Variants in FOXN3 observed in about 807,000 individuals in gnomAD.
FOXN3 encodes the protein forkhead box N3, also known as forkhead box protein N3.
A neutral mutation model predicts 38.4 loss-of-function variants in FOXN3; 7 were observed. The observed-to-expected ratio is 0.18, with a 90% confidence interval of 0.10 to 0.34. The LOEUF (loss-of-function observed/expected upper bound fraction) is 0.34. Ranked by LOEUF, FOXN3 falls within the 10% of genes least tolerant of loss-of-function variation. FOXN3 has a pLI of 1.00. For synonymous variants in FOXN3, 230 were observed against 242.2 expected (o/e 0.95, Z 0.47); for missense variants, 456 against 613.4 (o/e 0.74, Z 2.71).
At chr14:89,291,239 T>G in intron 3 of FOXN3, 1 of 430,796 alleles carries the variant, frequency 2.3e-6, no homozygotes. Context: ...TGTTACTCCC[T>G]CGGTTTCTCT....
At chr14:89,400,494 A>C (rs1007223174) in intron 2 of FOXN3, among the ~76,000 whole-genome samples, 1 of 152,124 alleles carries the variant, frequency 6.6e-6, no homozygotes, top group African/African-American at 2.4e-5. Context: ...GTTGGCACTA[A>C]CGCCCATCCA....
At chr14:89,523,159 GAACAT>G (rs1339493221) in intron 1 of FOXN3, among the ~76,000 whole-genome samples, 1 of 152,040 alleles carries the variant, frequency 6.6e-6, no homozygotes, top group Non-Finnish European at 1.5e-5. Flanking sequence ...TTAATCAAAA[GAACAT>G]AACAACCCTA....
intron 4 of FOXN3, among the ~76,000 whole-genome samples, chr14:89,278,949 T>C (rs896848564): frequency 4.6e-5 from 7 of 152,156 alleles, no homozygotes; most frequent in African/African-American, 1.2e-4. Flanking sequence ...AAAATCTTGC[T>C]TGTGGGCCTT....
At chr14:89,501,053 C>T (rs1054075919) in intron 1 of FOXN3, among the ~76,000 whole-genome samples, 7 of 152,236 alleles carry the variant, frequency 4.6e-5, no homozygotes, top group African/African-American at 1.4e-4. Context: ...TTAATGCGCC[C>T]TCCACGGGAT....
At chr14:89,506,830 A>G (rs1036302068) in intron 1 of FOXN3, among the ~76,000 whole-genome samples, 1 of 152,200 alleles carries the variant, frequency 6.6e-6, no homozygotes, top group Non-Finnish European at 1.5e-5. Context: ...CCTTACCCAC[A>G]ACCCTGTGCT....
At chr14:89,596,467 A>G (rs1359982427) in intron 1 of FOXN3, among the ~76,000 whole-genome samples, 1 of 152,120 alleles carries the variant, frequency 6.6e-6, no homozygotes. Context: ...TATATTCATG[A>G]GTGAAACTGG....
intron 1 of FOXN3, among the ~76,000 whole-genome samples, chr14:89,521,404 TA>T (rs1894316751): frequency 1.3e-5 from 2 of 149,654 alleles, no homozygotes; most frequent in African/African-American, 5.0e-5. Flanking sequence ...ATAAAAAGAA[TA>T]GAAGAGAATC....
rs1288931161 is a variant in FOXN3 at position 89,160,504 on chromosome 14, G to A, written c.*1910C>T. The A allele has an allele frequency of 6.6e-6, 1 of 152,442 alleles. No homozygotes were observed. The highest frequency in any genetic ancestry group is 1.9e-4 in the East Asian group (1 of 5,188). 9.4% of individuals were successfully genotyped at this position (152,442 alleles called of 1,614,324 possible). A position where few individuals can be genotyped will look rare whatever the true frequency, so the allele number is the denominator to read the frequency against. Reference sequence around the variant, plus strand: ...TCACCCAATAAGGCCCATTAGCACGGTTCCCCTTCTTCTGGCTAATTTGCA... The same window carrying A: ...TCACCCAATAAGGCCCATTAGCACGATTCCCCTTCTTCTGGCTAATTTGCA... On this transcript the variant is annotated 3_prime_UTR_variant, in exon 6 of 6. Transcript: ENST00000557258.
chr14:89,358,436 C>T (rs1263954295), intron 2 of FOXN3, among the ~76,000 whole-genome samples: 1 of 152,156 alleles, frequency 6.6e-6, no homozygotes, highest in Non-Finnish European at 1.5e-5. Flanking sequence ...GGAAGACCCC[C>T]ATTGGGGGAT....
In FOXN3 at chr14:89,458,008, C is replaced by G. The variant is rs564149327; in HGVS notation, c.-14-45518G>C. Among the ~76,000 whole-genome samples the G allele has an allele frequency of 1.5e-4, 18 of 121,648 alleles. No individual in the cohort carries two copies. In the Admixed American group the frequency reaches 1.6e-3, roughly 11 times the overall value. The allele number at this position is 121,648 out of a possible 152,430, so 79.8% of individuals were successfully genotyped here. On this transcript the variant is annotated intron_variant, in intron 1 of 6. Coordinates refer to the FOXN3 transcript ENST00000345097. ...TTGCGCCATCGCACTCCAGCCTGAG[C>G]GATAAGAGCGAAACTCCATCTCAAA...
chr14:89,174,509 C>T (rs1887469447), intron 5 of FOXN3, among the ~76,000 whole-genome samples: 1 of 152,162 alleles, frequency 6.6e-6, no homozygotes. Flanking sequence ...CTACAACTCT[C>T]CTCCATGAAT....
At chr14:89,189,178 C>T (rs564701920) in intron 4 of FOXN3, among the ~76,000 whole-genome samples, 1 of 152,212 alleles carries the variant, frequency 6.6e-6, no homozygotes, top group South Asian at 2.1e-4. Flanking sequence ...CTAAAGTTGT[C>T]AGGAAGGCTG....
chr14:89,410,886 G>A (rs7143792), intron 2 of FOXN3, among the ~76,000 whole-genome samples: 56,550 of 145,864 alleles, frequency 0.39, 12,920 homozygotes, highest in African/African-American at 0.64. Context: ...AAAAAAAGAG[G>A]AAAAAAAAGA....
chr14:89,193,739 G>A (rs1355246466), intron 4 of FOXN3, among the ~76,000 whole-genome samples: 1 of 152,240 alleles, frequency 6.6e-6, no homozygotes, highest in South Asian at 2.1e-4. Flanking sequence ...ATTTCTCTTG[G>A]AAAATTGCTG....
Position 89,441,087 on chromosome 14 carries a change from C to T in FOXN3, c.-14-28597G>A, listed in dbSNP as rs562540217. ...TATGAGAAAGTGGCCGAGGCTCCGG[C>T]TTCCCTTCCTCCCCAACCCTGCCCT... On this transcript the variant is annotated intron_variant, in intron 1 of 6. Coordinates refer to the FOXN3 transcript ENST00000345097. 2.9e-4 allele frequency among the ~76,000 whole-genome samples: 44 copies of T among 152,270 alleles called. 1 individual carries two copies. The South Asian group carries it at 7.0e-3, about 24-fold the overall frequency.
intron 4 of FOXN3, among the ~76,000 whole-genome samples, chr14:89,261,884 T>A (rs1885816581): frequency 6.6e-6 from 1 of 152,032 alleles, no homozygotes; most frequent in South Asian, 2.1e-4. Flanking sequence ...GCCAAGATCA[T>A]GTCAACTGCA....
At position 89,343,088 on chromosome 14, in the gene FOXN3, A is replaced by G. The variant is rs529364439; in HGVS notation, c.680+7584T>C. 9.2e-5 allele frequency among the ~76,000 whole-genome samples: 14 copies of G among 152,332 alleles called. No individual in the cohort carries two copies. The South Asian group carries it at 2.3e-3, about 25-fold the overall frequency. On this transcript the variant is annotated intron_variant, in intron 3 of 5. Transcript: ENST00000557258. ...TTGTGGCTTTGCAGTGCTTCTGCCA[A>G]CTATTAAACGCACAACACTCTGAAT... is the stretch of plus-strand genomic sequence containing the variant.
chr14:89,410,062 C>A (rs1451277567), intron 2 of FOXN3, among the ~76,000 whole-genome samples: 1 of 152,184 alleles, frequency 6.6e-6, no homozygotes, highest in Non-Finnish European at 1.5e-5. Context: ...TTAGTGCCCA[C>A]ATCTTTCCTC....
At chr14:89,516,913 A>G (rs1474266950) in intron 1 of FOXN3, among the ~76,000 whole-genome samples, 1 of 152,090 alleles carries the variant, frequency 6.6e-6, no homozygotes, top group East Asian at 1.9e-4. Context: ...TCTGGCCAAC[A>G]GTCACTGTTC....
Sources: allele counts gnomAD v4.1 joint callset (sites outside exome capture counted in the v4.1 genomes callset), GRCh38; gene constraint gnomAD v4.1.1; transcripts MANE v1.5; gene names NCBI Gene and HGNC (gene_info 2026-07-23, HGNC 2026-07-21).